CEP63: variants seen among roughly 807,000 people sequenced by gnomAD.
CEP63 encodes centrosomal protein of 63 kDa.
In CEP63, 84 loss-of-function variants were observed where a neutral mutation model predicts 89.1. That is an observed-to-expected ratio of 0.94 (90% CI 0.79 to 1.13). The LOEUF (loss-of-function observed/expected upper bound fraction) is 1.13. CEP63 is among the 50% of genes most tolerant of loss of function. CEP63 has a pLI of 0.00. For missense variants in CEP63, 838 were observed against 813.3 expected, an observed-to-expected ratio of 1.03 and a Z score of -0.37; for synonymous variants, 267 against 272.5, an observed-to-expected ratio of 0.98 and a Z score of 0.20.
intron 6 of CEP63, among the ~76,000 whole-genome samples, chr3:134,541,333 G>C (rs1289180504): frequency 6.6e-6 from 1 of 151,806 alleles, no homozygotes; most frequent in Non-Finnish European, 1.5e-5. Context: ...TTCTTCTAAT[G>C]CTTTATCATT....
chr3:134,536,105 TA>T (rs1950724045), intron 5 of CEP63: 1 of 152,190 alleles, frequency 6.6e-6, no homozygotes, highest in African/African-American at 2.4e-5. Flanking sequence ...GGTGTTTACT[TA>T]AATGTTTTTC....
chr3:134,754,069 A>T, the CEP63 span, among the ~76,000 whole-genome samples: 2 of 152,222 alleles, frequency 1.3e-5, no homozygotes, highest in Non-Finnish European at 2.9e-5. Context: ...TTTGCCAAAA[A>T]TATGATGAAA....
the CEP63 span, among the ~76,000 whole-genome samples, chr3:134,669,303 C>T: frequency 6.6e-6 from 1 of 152,294 alleles, no homozygotes; most frequent in East Asian, 1.9e-4. Flanking sequence ...GCTGAGATTA[C>T]AGGCGTGAGC....
At chr3:134,591,714 C>T (rs1958599193), downstream of CEP63, among the ~76,000 whole-genome samples, 1 of 70,568 alleles carries the variant, frequency 1.4e-5, no homozygotes, top group Admixed American at 1.4e-4. Flanking sequence ...ACAAAAACAA[C>T]AAAAAAAACA....
At chr3:134,652,254 T>C in the CEP63 span, among the ~76,000 whole-genome samples, 3 of 152,222 alleles carry the variant, frequency 2.0e-5, no homozygotes, top group African/African-American at 7.2e-5. Context: ...GTGGTCTTCA[T>C]ATGGTAGCTG....
the CEP63 span, among the ~76,000 whole-genome samples, chr3:134,764,715 C>T: frequency 2.0e-5 from 3 of 152,310 alleles, no homozygotes; most frequent in Non-Finnish European, 2.9e-5. Flanking sequence ...TCAAATTATT[C>T]ACCTGACAGA....
chr3:134,541,185 C>G (rs1951922039), intron 6 of CEP63, among the ~76,000 whole-genome samples: 1 of 152,074 alleles, frequency 6.6e-6, no homozygotes, highest in Non-Finnish European at 1.5e-5. Context: ...ACTCAATTTA[C>G]CTTAATTTTT....
chr3:134,594,870 C>T, the CEP63 span, among the ~76,000 whole-genome samples: 2 of 152,216 alleles, frequency 1.3e-5, no homozygotes, highest in East Asian at 1.9e-4. Context: ...GGCTCCTTCT[C>T]CCTAGAGTTG....
chr3:134,495,280 T>C lies in CEP63; in HGVS notation c.-25-16T>C, dbSNP rs758116014. The C allele has an allele frequency of 6.3e-6, 10 of 1,587,080 alleles. No individual in the cohort carries two copies. Among genetic ancestry groups the C allele is most frequent in the Admixed American group, 1.7e-5 (1 of 59,938 alleles). On this transcript the variant is annotated splice_polypyrimidine_tract_variant and intron_variant, in intron 1 of 14. Coordinates refer to ENST00000675561, the MANE Select transcript of CEP63 (RefSeq NM_001353108.3). ...GAAATGAATTGTCTCATGACTGATATTTTTTTCTTTGTCAGTTGCCAAAAC... is the reference window on the plus strand; with the variant it reads ...GAAATGAATTGTCTCATGACTGATACTTTTTTCTTTGTCAGTTGCCAAAAC...
the CEP63 span, among the ~76,000 whole-genome samples, chr3:134,687,246 G>C: frequency 6.6e-6 from 1 of 152,218 alleles, no homozygotes; most frequent in African/African-American, 2.4e-5. Flanking sequence ...CACATTTTCT[G>C]ATACTCAGCA....
the CEP63 span, among the ~76,000 whole-genome samples, chr3:134,703,211 G>T: frequency 6.6e-6 from 1 of 151,178 alleles, no homozygotes; most frequent in East Asian, 2.0e-4. Context: ...CAGGAGAATG[G>T]CATGAACCTG....
At chr3:134,757,603 T>C in the CEP63 span, among the ~76,000 whole-genome samples, 1 of 152,194 alleles carries the variant, frequency 6.6e-6, no homozygotes, top group Non-Finnish European at 1.5e-5. Flanking sequence ...AGAAAAAATG[T>C]ACAAAGTTAG....
chr3:134,492,115 C>G (rs935539874), intron 1 of CEP63, among the ~76,000 whole-genome samples: 1 of 144,486 alleles, frequency 6.9e-6, no homozygotes, highest in South Asian at 2.2e-4. Context: ...GCTCTGTCGC[C>G]CAGGCTGGAG....
the CEP63 span, among the ~76,000 whole-genome samples, chr3:134,740,103 C>T: frequency 1.3e-5 from 2 of 152,194 alleles, no homozygotes; most frequent in African/African-American, 2.4e-5. Context: ...AGGCTCAGAT[C>T]GCCAAGTTAC....
At chr3:134,716,847 C>G in the CEP63 span, among the ~76,000 whole-genome samples, 1 of 152,072 alleles carries the variant, frequency 6.6e-6, no homozygotes, top group Non-Finnish European at 1.5e-5. Flanking sequence ...AGGGAGAATG[C>G]TAGGCAGGAC....
At chr3:134,715,786 T>C in the CEP63 span, among the ~76,000 whole-genome samples, 1 of 152,158 alleles carries the variant, frequency 6.6e-6, no homozygotes, top group African/African-American at 2.4e-5. Flanking sequence ...AATTTCTGTT[T>C]ACTAGCCCAC....
chr3:134,638,834 G>A, the CEP63 span, among the ~76,000 whole-genome samples: 22 of 152,212 alleles, frequency 1.4e-4, no homozygotes, highest in Admixed American at 3.3e-4. Flanking sequence ...ATGGCAAACA[G>A]GTTTCATGTT....
chr3:134,720,045 A>G, the CEP63 span, among the ~76,000 whole-genome samples: 2 of 152,152 alleles, frequency 1.3e-5, no homozygotes, highest in Non-Finnish European at 2.9e-5. Context: ...TGAGGAACAA[A>G]CAGTTTTCCA....
the CEP63 span, among the ~76,000 whole-genome samples, chr3:134,769,919 A>C: frequency 3.3e-5 from 5 of 152,240 alleles, no homozygotes; most frequent in Non-Finnish European, 1.5e-5. Flanking sequence ...AGGGCAAGGA[A>C]GGTAAATAGG....
Sources: gnomAD v4.1 joint callset for allele counts (sites outside exome capture counted in the v4.1 genomes callset) on GRCh38, gnomAD v4.1.1 for gene constraint, MANE v1.5 for transcripts, NCBI Gene and HGNC (gene_info 2026-07-23, HGNC 2026-07-21) for gene names.